ACAD11: variants seen among roughly 807,000 people sequenced by gnomAD.
The protein encoded by ACAD11 is acyl-Coenzyme A dehydrogenase family, member 11.
ACAD11 carries 83 observed loss-of-function variants against 102.2 expected under a neutral mutation model. The ratio of observed to expected loss-of-function variants is 0.81; its 90% CI spans 0.68 to 0.97. The LOEUF is 0.97. Ranked by LOEUF, ACAD11 falls within the 50% of genes least tolerant of loss-of-function variation. The pLI is 0.00. For synonymous variants in ACAD11, 324 were observed against 319.8 expected (o/e 1.01, Z -0.14); for missense variants, 901 against 951.7 (o/e 0.95, Z 0.70).
intron 13 of ACAD11, chr3:132,601,227 T>C (rs1938578028): frequency 1.2e-6 from 2 of 1,613,910 alleles, no homozygotes; most frequent in Non-Finnish European, 1.7e-6. Context: ...AGCTGCAACA[T>C]GAGCAAACGC....
chr3:132,640,456 T>C (rs981723222), intron 4 of ACAD11, among the ~76,000 whole-genome samples: 1 of 152,250 alleles, frequency 6.6e-6, no homozygotes, highest in Non-Finnish European at 1.5e-5. Context: ...GTATGAATAG[T>C]GTAAAGATCT....
At chr3:132,578,254 T>C (rs1472156070) in intron 15 of ACAD11, among the ~76,000 whole-genome samples, 1 of 152,098 alleles carries the variant, frequency 6.6e-6, no homozygotes, top group Non-Finnish European at 1.5e-5. Context: ...GAGAGGGTGA[T>C]CTTAGCAAAT....
intron 13 of ACAD11, among the ~76,000 whole-genome samples, chr3:132,593,211 CA>C (rs1186564130): frequency 3.4e-5 from 5 of 147,514 alleles, no homozygotes; most frequent in African/African-American, 5.0e-5. Context: ...AATTTAAAAG[CA>C]AAAAAAAATT....
chr3:132,656,515 G>C (rs184784042), intron 1 of ACAD11, among the ~76,000 whole-genome samples: 1 of 147,492 alleles, frequency 6.8e-6, no homozygotes, highest in African/African-American at 2.5e-5. Flanking sequence ...TTTTTGAGAC[G>C]GAGTCTGCCT....
chr3:132,607,238 C>T (rs371983318), intron 11 of ACAD11, among the ~76,000 whole-genome samples: 3 of 152,134 alleles, frequency 2.0e-5, no homozygotes, highest in Non-Finnish European at 2.9e-5. Flanking sequence ...CACAACCCCT[C>T]GCCAGCAAGG....
chr3:132,603,239 C>A lies in ACAD11; in HGVS notation c.1611G>T (p.Trp537Cys). ...AGGCTGAACACTCACCACTGCTCCA[C>A]CATTTTTTGCCGTTAATTACATAGC... Reference protein sequence around the residue: ...EDSYVINGKKWWSSGAGNPKC... With the variant: ...EDSYVINGKKCWSSGAGNPKC... The change falls in exon 13 of 20, where the codon TGG becomes TGT. Residue 537 changes from tryptophan (W) to cysteine (C), a missense_variant. Coordinates refer to ENST00000264990, the MANE Select transcript of ACAD11 (RefSeq NM_032169.5). 1.2e-6 allele frequency: 2 copies of A among 1,613,956 alleles called. No homozygotes were observed. The highest frequency in any genetic ancestry group is 1.3e-5 in the African/African-American group (1 of 75,054).
Position 132,575,836 on chromosome 3 carries a change from G to A in ACAD11, c.1937C>T (p.Ala646Val), listed in dbSNP as rs36121581. The A allele has an allele frequency of 6.2e-7, 1 of 1,613,928 alleles. No individual in the cohort carries two copies. Among genetic ancestry groups the A allele is most frequent in the Non-Finnish European group, 8.5e-7 (1 of 1,180,004 alleles). ...CMRTVGLAER[A>V]LQIMCERATQ... ...TGCCCGCTCACACATGATCTGCAAA[G>A]CGCGTTCCGCCAAACCTACTGTTCT... Residue 646 changes from alanine (A) to valine (V), a missense_variant, in exon 17 of 20, where the codon GCT (alanine) becomes GTT (valine). Coordinates refer to ENST00000264990, the MANE Select transcript of ACAD11 (RefSeq NM_032169.5).
At position 132,600,629 on chromosome 3, in the gene ACAD11, G is replaced by C. The variant is rs147449210; in HGVS notation, c.1621+2600C>G. 1,777 of 1,613,688 alleles carry C rather than the reference G, an allele frequency of 1.1e-3. 12 individuals are homozygous for C. In the African/African-American group the frequency reaches 0.021, roughly 19 times the overall value. On this transcript the variant is annotated intron_variant, in intron 13 of 19. Transcript: ENST00000264990. ...CAAGAAACAGAGAACCAAAACAGAT[G>C]TGTACATCCTGAATTTGGCTGTAGC... is the stretch of plus-strand genomic sequence containing the variant.
rs1938490733 is a variant in ACAD11 at position 132,599,879 on chromosome 3, T to G, written c.1621+3350A>C. On this transcript the variant is annotated intron_variant, in intron 13 of 19. Coordinates refer to ENST00000264990, the MANE Select transcript of ACAD11 (RefSeq NM_032169.5). ...TGCTGAGAGAATTTATTTAACTTAT[T>G]TAAATTAAATTTATAAATAACATCA... 2.0e-5 allele frequency among the ~76,000 whole-genome samples: 3 copies of G among 152,040 alleles called. 1 individual carries two copies. In the South Asian group the frequency reaches 6.2e-4, roughly 31 times the overall value.
chr3:132,595,406 G>A (rs773072986), intron 13 of ACAD11, among the ~76,000 whole-genome samples: 4 of 152,094 alleles, frequency 2.6e-5, no homozygotes, highest in African/African-American at 9.7e-5. Context: ...AGACTACTAT[G>A]AGAGTTCATG....
At chr3:132,595,753 T>C (rs138274221) in intron 13 of ACAD11, among the ~76,000 whole-genome samples, 201 of 152,248 alleles carry the variant, frequency 1.3e-3, no homozygotes, top group Middle Eastern at 3.4e-3. Flanking sequence ...AGATACCATC[T>C]CACACCAGTC....
At chr3:132,627,098 G>T (rs1313267595) in intron 8 of ACAD11, 1 of 236,062 alleles carries the variant, frequency 4.2e-6, no homozygotes, top group Non-Finnish European at 8.3e-6. Context: ...GGAGGCACAG[G>T]GTCTTGTCTG....
Position 132,628,879 on chromosome 3 carries a change from G to A in ACAD11, c.964-433C>T, listed in dbSNP as rs1207575877. 3.3e-5 allele frequency among the ~76,000 whole-genome samples: 5 copies of A among 152,288 alleles called. No individual in the cohort carries two copies. In the East Asian group the frequency reaches 9.7e-4, roughly 29 times the overall value. On this transcript the variant is annotated intron_variant, in intron 7 of 19. Coordinates refer to ENST00000264990, the MANE Select transcript of ACAD11 (RefSeq NM_032169.5). ...TTTATCTCATTTTTGGGTCCCTAATGCAGGTAAAACTGTCTCTTTCAAACA... is the reference window on the plus strand; with the variant it reads ...TTTATCTCATTTTTGGGTCCCTAATACAGGTAAAACTGTCTCTTTCAAACA...
intron 8 of ACAD11, among the ~76,000 whole-genome samples, chr3:132,627,586 C>T (rs146111159): frequency 1.7e-3 from 256 of 152,188 alleles, no homozygotes; most frequent in African/African-American, 5.9e-3. Flanking sequence ...CACTCGTAAG[C>T]GGGAGTTGAA....
chr3:132,558,871 T>A lies in ACAD11; in HGVS notation c.*100A>T. ...TACCACAAATGAATAATTAACCCTG[T>A]GCTCAAACTGCTACAAAAATATGAG... On this transcript the variant is annotated 3_prime_UTR_variant, in exon 20 of 20. Transcript: ENST00000264990. 1 of 810,788 alleles carries A rather than the reference T, an allele frequency of 1.2e-6. No homozygotes were observed. The highest frequency in any genetic ancestry group is 2.0e-6 in the Non-Finnish European group (1 of 496,660). The allele number at this position is 810,788 out of a possible 1,614,324, so 50.2% of individuals were successfully genotyped here.
At chr3:132,600,398 A>G (rs1221385686) in intron 13 of ACAD11, 1 of 1,579,312 alleles carries the variant, frequency 6.3e-7, no homozygotes. Context: ...GATTGGAGCC[A>G]TGGCTTTGGA....
At chr3:132,601,908 C>T (rs949530623) in intron 13 of ACAD11, 29 of 188,356 alleles carry the variant, frequency 1.5e-4, no homozygotes, top group African/African-American at 6.3e-4. Flanking sequence ...CACTCTGTAC[C>T]ATCTTTGTAA....
At chr3:132,613,998 C>T (rs1325529126) in intron 11 of ACAD11, among the ~76,000 whole-genome samples, 1 of 152,126 alleles carries the variant, frequency 6.6e-6, no homozygotes, top group African/African-American at 2.4e-5. Flanking sequence ...AATCAATGTG[C>T]AAAAATCACA....
intron 11 of ACAD11, among the ~76,000 whole-genome samples, chr3:132,608,598 C>T (rs554759540): frequency 1.3e-5 from 2 of 152,182 alleles, no homozygotes; most frequent in African/African-American, 4.8e-5. Context: ...GCTAACTATC[C>T]TAAATATATA....
Sources: allele counts gnomAD v4.1 joint callset (sites outside exome capture counted in the v4.1 genomes callset), GRCh38; gene constraint gnomAD v4.1.1; transcripts MANE v1.5; gene names NCBI Gene and HGNC (gene_info 2026-07-23, HGNC 2026-07-21).